Variants in TPX2 observed in about 807,000 individuals in gnomAD.
TPX2 encodes the protein targeting protein for Xklp2.
Under a neutral mutation model 93.6 loss-of-function variants are expected in TPX2, and 21 were observed. The ratio of observed to expected loss-of-function variants is 0.22; its 90% CI spans 0.16 to 0.32. TPX2 has a LOEUF of 0.32. Ranked by LOEUF, TPX2 falls within the 10% of genes least tolerant of loss-of-function variation. TPX2 has a pLI of 1.00. For missense variants in TPX2, 776 were observed against 871.1 expected, an observed-to-expected ratio of 0.89 and a Z score of 1.37; for synonymous variants, 281 against 298.3, an observed-to-expected ratio of 0.94 and a Z score of 0.60.
At chr20:31,795,151 T>G (rs1441408738) in intron 15 of TPX2, among the ~76,000 whole-genome samples, 1 of 151,676 alleles carries the variant, frequency 6.6e-6, no homozygotes, top group East Asian at 1.9e-4. Context: ...TTGTTTGGTT[T>G]GAGACAGAGT....
chr20:31,756,787 C>G, intron 2 of TPX2, among the ~76,000 whole-genome samples: 1 of 151,896 alleles, frequency 6.6e-6, no homozygotes, highest in East Asian at 1.9e-4. Flanking sequence ...CCATGCCCAG[C>G]TAATTTTTTG....
intron 16 of TPX2, among the ~76,000 whole-genome samples, chr20:31,797,766 CAAT>C (rs1276539965): frequency 2.0e-5 from 3 of 152,150 alleles, no homozygotes; most frequent in Admixed American, 1.3e-4. Context: ...ATTTCAACAA[CAAT>C]GATAGGTTTT....
intron 12 of TPX2, among the ~76,000 whole-genome samples, chr20:31,789,805 A>G (rs569089006): frequency 7.2e-5 from 11 of 152,270 alleles, no homozygotes; most frequent in Non-Finnish European, 1.2e-4. Flanking sequence ...ACTCATACAT[A>G]TCTCCTTCAT....
intron 7 of TPX2, among the ~76,000 whole-genome samples, chr20:31,775,176 C>T (rs1264249770): frequency 6.6e-6 from 1 of 152,088 alleles, no homozygotes; most frequent in East Asian, 1.9e-4. Context: ...CCAGGTTGGT[C>T]TCGAACTCCT....
chr20:31,741,373 G>A (rs1358445452), intron 1 of TPX2, among the ~76,000 whole-genome samples: 1 of 151,174 alleles, frequency 6.6e-6, no homozygotes, highest in Non-Finnish European at 1.5e-5. Flanking sequence ...GTGCAGTGGC[G>A]CGATTTCAGC....
intron 2 of TPX2, among the ~76,000 whole-genome samples, chr20:31,751,583 T>C (rs1019707959): frequency 1.1e-4 from 17 of 152,318 alleles, no homozygotes; most frequent in African/African-American, 4.1e-4. Flanking sequence ...TTGAAGTAGC[T>C]TCTTATTTGA....
intron 7 of TPX2, among the ~76,000 whole-genome samples, chr20:31,775,343 G>A (rs1228024612): frequency 6.6e-6 from 1 of 151,778 alleles, no homozygotes; most frequent in Admixed American, 6.6e-5. Flanking sequence ...AATTTTTTCA[G>A]TATTTTGGTA....
chr20:31,753,887 G>A (rs1419237338), intron 2 of TPX2, among the ~76,000 whole-genome samples: 2 of 151,992 alleles, frequency 1.3e-5, no homozygotes, highest in South Asian at 2.1e-4. Flanking sequence ...TTAGCCAGGC[G>A]TGGTGGCGCA....
At chr20:31,791,191 G>A (rs1413077772) in intron 12 of TPX2, among the ~76,000 whole-genome samples, 2 of 152,124 alleles carry the variant, frequency 1.3e-5, no homozygotes, top group Non-Finnish European at 1.5e-5. Flanking sequence ...CCATGAAGGC[G>A]ATATTTATGA....
At chr20:31,765,754 G>T (rs2061921186) in intron 4 of TPX2, among the ~76,000 whole-genome samples, 2 of 152,104 alleles carry the variant, frequency 1.3e-5, no homozygotes, top group Admixed American at 6.6e-5. Context: ...TGGTTGTATT[G>T]TCACAACCCC....
chr20:31,767,934 T>TC (rs2061938588), intron 5 of TPX2, among the ~76,000 whole-genome samples: 2 of 136,166 alleles, frequency 1.5e-5, no homozygotes, highest in African/African-American at 6.3e-5. Context: ...AAAAATTTCA[T>TC]CTTTTTTTTT....
chr20:31,792,461 C>T (rs909962724), intron 12 of TPX2, among the ~76,000 whole-genome samples: 1 of 152,104 alleles, frequency 6.6e-6, no homozygotes, highest in Non-Finnish European at 1.5e-5. Context: ...GGTGTTCTTT[C>T]CCTTTTATGT....
rs1261730411 is a variant in TPX2 at position 31,775,946 on chromosome 20, A to C, written c.688A>C (p.Lys230Gln). 4 of 1,589,744 alleles carry C rather than the reference A, an allele frequency of 2.5e-6. No homozygotes were observed. The change falls in exon 8 of 18, where the codon AAA (lysine) becomes CAA (glutamine). Residue 230 changes from lysine to glutamine, a missense_variant. Lys to Gln is a moderately conservative substitution (Grantham distance 53, BLOSUM62 1). Coordinates refer to ENST00000300403, the MANE Select transcript of TPX2 (RefSeq NM_012112.5). ...GCAGCAAGAGGTGGTGGAGATGCGG[A>C]AAAAGAATGAAGAATTCAAGAAACT... ...KMQQEVVEMR[K>Q]KNEEFKKLAL...
intron 2 of TPX2, among the ~76,000 whole-genome samples, chr20:31,744,959 T>C (rs2061775246): frequency 6.6e-6 from 1 of 151,972 alleles, no homozygotes; most frequent in Non-Finnish European, 1.5e-5. Context: ...TGATGACGGG[T>C]GCCTGTAATC....
intron 12 of TPX2, among the ~76,000 whole-genome samples, chr20:31,789,251 A>AC (rs2123076468): frequency 6.6e-6 from 1 of 152,276 alleles, no homozygotes; most frequent in South Asian, 2.1e-4. Context: ...CTCCCTGAGA[A>AC]CAGGGACCGT....
intron 7 of TPX2, among the ~76,000 whole-genome samples, chr20:31,774,668 G>A (rs1289579441): frequency 6.6e-6 from 1 of 152,200 alleles, no homozygotes; most frequent in Non-Finnish European, 1.5e-5. Flanking sequence ...AAATGACAGG[G>A]TTGGGATTTA....
chr20:31,773,732 A>G (rs985133410), intron 7 of TPX2, among the ~76,000 whole-genome samples: 1 of 152,198 alleles, frequency 6.6e-6, no homozygotes, highest in African/African-American at 2.4e-5. Context: ...TTGTAAATTG[A>G]TAATTTATAG....
chr20:31,751,852 C>T lies in TPX2; in HGVS notation c.-70-5555C>T, dbSNP rs1041236474. 2.6e-5 allele frequency among the ~76,000 whole-genome samples: 4 copies of T among 152,320 alleles called. No individual in the cohort carries two copies. The South Asian group carries it at 6.2e-4, about 24-fold the overall frequency. ...TCGCCTCCTGGGTTCAAGTGATTCT[C>T]CTGCCTCAGCCTCCCGAGTAGCTGG... On this transcript the variant is annotated intron_variant, in intron 2 of 17. Transcript: ENST00000300403.
At chr20:31,744,966 A>G (rs2061775272) in intron 2 of TPX2, among the ~76,000 whole-genome samples, 1 of 152,124 alleles carries the variant, frequency 6.6e-6, no homozygotes, top group Admixed American at 6.6e-5. Context: ...GGGTGCCTGT[A>G]ATCCCACTTA....
Sources: allele counts gnomAD v4.1 joint callset (sites outside exome capture counted in the v4.1 genomes callset), GRCh38; gene constraint gnomAD v4.1.1; transcripts MANE v1.5; gene names NCBI Gene and HGNC (gene_info 2026-07-23, HGNC 2026-07-21).